PARD3: variants seen among roughly 807,000 people sequenced by gnomAD.
PARD3 encodes the protein partitioning defective 3 homolog.
Under a neutral mutation model 155.4 loss-of-function variants are expected in PARD3, and 75 were observed. The observed-to-expected ratio is 0.48, with a 90% CI of 0.40 to 0.58. The LOEUF (loss-of-function observed/expected upper bound fraction) is 0.58. PARD3 is among the 20% of genes least tolerant of loss of function. The pLI, the probability that PARD3 is intolerant of heterozygous loss-of-function variation, is 0.00. For missense variants in PARD3, 1,642 were observed against 1,721.7 expected (o/e 0.95, Z 0.82); for synonymous variants, 576 against 610.5 (o/e 0.94, Z 0.83).
At chr10:34,783,260 C>T (rs1056064263) in intron 1 of PARD3, among the ~76,000 whole-genome samples, 2 of 152,044 alleles carry the variant, frequency 1.3e-5, no homozygotes, top group African/African-American at 4.8e-5. Context: ...GATTGGCCTC[C>T]ATTTTTATTT....
At chr10:34,809,207 A>C (rs187501011) in intron 1 of PARD3, among the ~76,000 whole-genome samples, 1 of 152,362 alleles carries the variant, frequency 6.6e-6, no homozygotes, top group East Asian at 1.9e-4. Context: ...TCCTCTCAGC[A>C]GAAGTGTATT....
At chr10:34,703,064 T>C (rs533262448) in intron 1 of PARD3, among the ~76,000 whole-genome samples, 2 of 152,104 alleles carry the variant, frequency 1.3e-5, no homozygotes, top group Admixed American at 1.3e-4. Context: ...AGAGAATTTT[T>C]TTAAAAAAAG....
chr10:34,147,773 G>C (rs980124867), intron 22 of PARD3, among the ~76,000 whole-genome samples: 2 of 152,112 alleles, frequency 1.3e-5, no homozygotes, highest in South Asian at 4.2e-4. Flanking sequence ...TGGGAAAACA[G>C]AGTACTAGTA....
intron 2 of PARD3, among the ~76,000 whole-genome samples, chr10:34,548,693 C>G (rs1000372983): frequency 1.3e-5 from 2 of 151,982 alleles, no homozygotes; most frequent in Non-Finnish European, 2.9e-5. Context: ...TGTGGGGAAA[C>G]TTGCCATACT....
intron 12 of PARD3, among the ~76,000 whole-genome samples, chr10:34,366,440 T>G (rs767743000): frequency 6.6e-6 from 1 of 152,122 alleles, no homozygotes; most frequent in Non-Finnish European, 1.5e-5. Context: ...CTGACAAATT[T>G]ATGGGGAAGT....
chr10:34,656,795 C>T (rs1350912547), intron 2 of PARD3, among the ~76,000 whole-genome samples: 1 of 152,172 alleles, frequency 6.6e-6, no homozygotes, highest in Non-Finnish European at 1.5e-5. Context: ...AGTCAGAAAC[C>T]GACAGGGGCA....
At chr10:34,348,159 G>T in intron 14 of PARD3, 44 bp from the exon 15 acceptor site, 1 of 1,538,728 alleles carries the variant, frequency 6.5e-7, no homozygotes, top group Non-Finnish European at 8.8e-7. Context: ...TCAGTACCTG[G>T]AGGCCAATTA....
chr10:34,230,899 G>A (rs1035924429), intron 22 of PARD3, among the ~76,000 whole-genome samples: 1 of 151,974 alleles, frequency 6.6e-6, no homozygotes, highest in African/African-American at 2.4e-5. Flanking sequence ...ATTGGGGTGA[G>A]GATACAGTCC....
At chr10:34,147,817 C>G (rs1312655002) in intron 22 of PARD3, among the ~76,000 whole-genome samples, 1 of 152,068 alleles carries the variant, frequency 6.6e-6, no homozygotes, top group Admixed American at 6.6e-5. Context: ...ATCATGAGCT[C>G]TAGGGCCAAA....
intron 22 of PARD3, among the ~76,000 whole-genome samples, chr10:34,228,954 T>C (rs1260251669): frequency 6.6e-6 from 1 of 152,080 alleles, no homozygotes; most frequent in Non-Finnish European, 1.5e-5. Context: ...CACACTTCTT[T>C]CCTCTTTATA....
In PARD3 at chr10:34,331,243, T is replaced by C. The variant is rs768415272; in HGVS notation, c.2707A>G (p.Ile903Val). ...AVAEVTLNGD[I>V]PFHRPRPRII... is the part of the protein sequence containing the mutation. ...CGCGGCCGTGGACGATGGAAAGGAA[T>C]ATCCCCATTCAAAGTCACCTCGGCA... The change falls in exon 19 of 25, where the codon ATT (isoleucine) becomes GTT (valine). Residue 903 changes from isoleucine (I) to valine (V), a missense_variant. Physicochemically the swap from Ile to Val is conservative, Grantham distance 29. Coordinates refer to ENST00000374788, the MANE Select transcript of PARD3 (RefSeq NM_001184785.2). 3.7e-6 allele frequency: 6 copies of C among 1,614,020 alleles called. No individual in the cohort carries two copies. The Admixed American group carries it at 6.7e-5, about 18-fold the overall frequency.
At chr10:34,773,040 A>G (rs1332723616) in intron 1 of PARD3, among the ~76,000 whole-genome samples, 1 of 152,148 alleles carries the variant, frequency 6.6e-6, no homozygotes, top group African/African-American at 2.4e-5. Context: ...ACGGCACACC[A>G]AAAACAGCTG....
intron 22 of PARD3, among the ~76,000 whole-genome samples, chr10:34,150,885 C>T (rs1948746106): frequency 6.6e-6 from 1 of 152,162 alleles, no homozygotes; most frequent in South Asian, 2.1e-4. Context: ...TAAGACTAAC[C>T]TTCCTACTTC....
At chr10:34,660,477 T>C (rs2093294272) in intron 2 of PARD3, among the ~76,000 whole-genome samples, 1 of 152,112 alleles carries the variant, frequency 6.6e-6, no homozygotes, top group South Asian at 2.1e-4. Context: ...TACACAGATG[T>C]ATGTCACTGT....
At chr10:34,475,781 A>T (rs2078667049) in intron 3 of PARD3, among the ~76,000 whole-genome samples, 1 of 152,214 alleles carries the variant, frequency 6.6e-6, no homozygotes, top group South Asian at 2.1e-4. Context: ...ACCTAATTTT[A>T]CCTAGAAAGT....
At chr10:34,213,913 A>T (rs1392045345) in intron 22 of PARD3, among the ~76,000 whole-genome samples, 1 of 152,080 alleles carries the variant, frequency 6.6e-6, no homozygotes, top group Non-Finnish European at 1.5e-5. Context: ...TTTTAGAGAC[A>T]GGGTCTTGCT....
intron 4 of PARD3, among the ~76,000 whole-genome samples, chr10:34,451,899 C>G (rs2077081859): frequency 1.3e-5 from 2 of 151,116 alleles, no homozygotes; most frequent in Admixed American, 1.3e-4. Context: ...AAAACTTAAG[C>G]TTCAGAAAAA....
intron 22 of PARD3, among the ~76,000 whole-genome samples, chr10:34,244,818 T>C (rs1192441100): frequency 6.6e-6 from 1 of 152,182 alleles, no homozygotes; most frequent in Non-Finnish European, 1.5e-5. Flanking sequence ...TGCCTTTAAA[T>C]TCTCCAAAAA....
chr10:34,646,047 G>A (rs1303585223), intron 2 of PARD3, among the ~76,000 whole-genome samples: 8 of 152,172 alleles, frequency 5.3e-5, no homozygotes, highest in South Asian at 2.1e-4. Context: ...ATAGCGAGAC[G>A]CAGGAACAGT....
Sources: allele counts gnomAD v4.1 joint callset (sites outside exome capture counted in the v4.1 genomes callset), GRCh38; gene constraint gnomAD v4.1.1; transcripts MANE v1.5; gene names NCBI Gene and HGNC (gene_info 2026-07-23, HGNC 2026-07-21).